Variants in REN observed in about 807,000 individuals in gnomAD.
REN encodes the protein angiotensin-forming enzyme.
Under a neutral mutation model 48.6 loss-of-function variants are expected in REN, and 42 were observed. The ratio of observed to expected loss-of-function variants is 0.86; its 90% CI spans 0.68 to 1.12. The LOEUF is 1.12. Among genes scored for constraint, REN ranks in the 50% most tolerant of loss-of-function variants. The pLI, the probability that REN is intolerant of heterozygous loss-of-function variation, is 0.00. For missense variants in REN, 443 were observed against 527.3 expected, an observed-to-expected ratio of 0.84 and a Z score of 1.57; for synonymous variants, 196 against 204.6, an observed-to-expected ratio of 0.96 and a Z score of 0.36.
intron 5 of REN, 140 bp from the exon 6 acceptor site, chr1:204,157,509 G>T: frequency 8.4e-7 from 1 of 1,191,316 alleles, no homozygotes; most frequent in South Asian, 1.2e-5. Flanking sequence ...TCACTTGCCT[G>T]AAGTTACCCA....
At chr1:204,157,118 C>T (rs957483805) in intron 6 of REN, among the ~76,000 whole-genome samples, 2 of 152,186 alleles carry the variant, frequency 1.3e-5, no homozygotes, top group Non-Finnish European at 2.9e-5. Context: ...CACAAATGGA[C>T]ACCCCTCACT....
chr1:204,165,802 G>A (rs1558246822), intron 1 of REN, among the ~76,000 whole-genome samples: 1 of 152,262 alleles, frequency 6.6e-6, no homozygotes, highest in Non-Finnish European at 1.5e-5. Flanking sequence ...ATGTTGGCCA[G>A]GCTGGTCTCA....
intron 5 of REN, 88 bp downstream of exon 5, chr1:204,159,311 T>C (rs28730746): frequency 1.1e-5 from 13 of 1,216,882 alleles, no homozygotes; most frequent in Admixed American, 1.7e-5. Flanking sequence ...ACAAACACTT[T>C]ACAATTCTGG....
In REN at chr1:204,166,246, G is replaced by GAGC. The variant is rs1571652012; in HGVS notation, c.45_47dup (p.Leu16dup). ...GGAGACCAAAGGTACAGGAGCCCCA[G>GAGC]AGCAGCAGCAGCAGTCCCCAGCGAG... On this transcript the variant is annotated inframe_insertion, in exon 1 of 10. Transcript: ENST00000272190. 6.2e-7 allele frequency: 1 copy of GAGC among 1,613,946 alleles called. No individual in the cohort carries two copies. The highest frequency in any genetic ancestry group is 8.5e-7 in the Non-Finnish European group (1 of 1,179,926).
intron 2 of REN, 144 bp from the exon 3 acceptor site, chr1:204,161,559 A>G: frequency 1.3e-6 from 1 of 744,518 alleles, no homozygotes; most frequent in Non-Finnish European, 2.0e-6. Context: ...TTCCTGCAGG[A>G]ACTGGTAGGA....
At chr1:204,155,246 C>T in intron 9 of REN, 69 bp from the exon 10 acceptor site, 3 of 1,562,896 alleles carry the variant, frequency 1.9e-6, no homozygotes, top group Non-Finnish European at 2.6e-6. Flanking sequence ...TGCCTGACCC[C>T]CAGCAACTGT....
chr1:204,159,227 A>G, intron 5 of REN, 172 bp downstream of exon 5: 2 of 704,444 alleles, frequency 2.8e-6, no homozygotes, highest in Non-Finnish European at 5.1e-6. Flanking sequence ...ACTGTATTTA[A>G]TTAATTTAAA....
intron 6 of REN, 138 bp downstream of exon 6, chr1:204,157,220 AAGG>A: frequency 8.7e-7 from 1 of 1,154,490 alleles, no homozygotes; most frequent in Non-Finnish European, 1.3e-6. Context: ...AGAGAGCAGG[AAGG>A]AGAGACAGAG....
chr1:204,160,478 G>T (rs574290752), intron 4 of REN, 82 bp downstream of exon 4: 2 of 912,966 alleles, frequency 2.2e-6, no homozygotes, highest in African/African-American at 1.6e-5. Flanking sequence ...GTACCTCCCC[G>T]CAGGTGTGGG....
rs767182103 is a variant in REN at position 204,159,575 on chromosome 1, T to C, written c.513A>G (p.Thr171=). ...TCTCCGTGACCTCTCCAAACATCTG[T>C]GTCACCGTGATTCCACCCACCTGTG... ...DIITVGGITV[T]QMFGEVTEMP... is the part of the protein sequence containing the mutation. The change falls in exon 5 of 10, where the codon ACA becomes ACG. Residue 171 remains threonine, a synonymous_variant. Coordinates refer to ENST00000272190, the MANE Select transcript of REN (RefSeq NM_000537.4). 1.2e-6 allele frequency: 2 copies of C among 1,614,160 alleles called. No individual in the cohort carries two copies. The highest frequency in any genetic ancestry group is 1.7e-6 in the Non-Finnish European group (2 of 1,180,036).
In REN at chr1:204,162,113, C is replaced by A; in HGVS notation, c.149G>T (p.Gly50Val). 1 of 1,614,148 alleles carries A rather than the reference C, an allele frequency of 6.2e-7. No individual in the cohort carries two copies. Among genetic ancestry groups the A allele is most frequent in the Non-Finnish European group, 8.5e-7 (1 of 1,180,022 alleles). ...GGGACCAAGCCTGGCCATGTCCACA[C>A]CTCGTTCCTTCAGGCTTTCTCGGAT... ...PSIRESLKER[G>V]VDMARLGPEW... The change falls in exon 2 of 10, where the codon GGT becomes GTT. Residue 50 changes from glycine (G) to valine (V), a missense_variant. By Grantham distance (109) the Gly-to-Val change is moderately radical (BLOSUM62 -3). Coordinates refer to ENST00000272190, the MANE Select transcript of REN (RefSeq NM_000537.4).
Position 204,156,690 on chromosome 1 carries a change from T to C in REN, c.805A>G (p.Ile269Val). The C allele has an allele frequency of 6.2e-7, 1 of 1,607,610 alleles. No homozygotes were observed. The highest frequency in any genetic ancestry group is 8.5e-7 in the Non-Finnish European group (1 of 1,176,254). Residue 269 changes from isoleucine to valine, a missense_variant, in exon 7 of 10, where the codon ATT becomes GTT. Transcript: ENST00000272190. This position sits in a 1 kb window ranked among gnomAD's most constrained non-coding sequence, Gnocchi z 4.2. ...AGGATTTCTGACCCCTTCATTTGAA[T>C]CTGCCAGACACCAGTCTTGATGAGG... Reference protein sequence around the residue: ...INLIKTGVWQIQMKGVSVGSS... With the variant: ...INLIKTGVWQVQMKGVSVGSS...
Position 204,159,468 on chromosome 1 carries a change from G to A in REN, c.620C>T (p.Thr207Ile). 1 of 1,614,146 alleles carries A rather than the reference G, an allele frequency of 6.2e-7. No homozygotes were observed. The highest frequency in any genetic ancestry group is 8.5e-7 in the Non-Finnish European group (1 of 1,180,040). Residue 207 changes from threonine (T) to isoleucine (I), a missense_variant, in exon 5 of 10, where the codon ACC (threonine) becomes ATC (isoleucine). By Grantham distance (89) the Thr-to-Ile change is moderately conservative. Transcript: ENST00000272190. ...GGAGATGATGTTGTCGAAGATAGGG[G>A]TGACCCTGCCAATGGCCTGTTCAAT... ...GFIEQAIGRV[T>I]PIFDNIISQG...
chr1:204,162,342 A>G (rs966310805), intron 1 of REN, among the ~76,000 whole-genome samples, 179 bp from the exon 2 acceptor site: 2 of 152,152 alleles, frequency 1.3e-5, no homozygotes, highest in African/African-American at 4.8e-5. Flanking sequence ...CTTCTTGTCA[A>G]GAGTCAATTT....
At chr1:204,158,099 A>ACC (rs60405376) in intron 5 of REN, among the ~76,000 whole-genome samples, 7 of 142,970 alleles carry the variant, frequency 4.9e-5, no homozygotes, top group African/African-American at 1.1e-4. Flanking sequence ...TCTGGATCTC[A>ACC]CCCCCCACGC....
At chr1:204,155,272 C>A in intron 9 of REN, 95 bp from the exon 10 acceptor site, 1 of 1,411,250 alleles carries the variant, frequency 7.1e-7, no homozygotes, top group South Asian at 1.2e-5. Context: ...GCAACATTCC[C>A]CCTCTCGCCC....
At chr1:204,161,459 T>C (rs374792520) in intron 2 of REN, 44 bp from the exon 3 acceptor site, 2 of 1,413,678 alleles carry the variant, frequency 1.4e-6, no homozygotes, top group Non-Finnish European at 1.9e-6. Context: ...CAGGGGACCT[T>C]GGGTCTTGGG....
At position 204,154,823 on chromosome 1, in the gene REN, A is replaced by G; in HGVS notation, c.*193T>C. 1.5e-6 allele frequency: 1 copy of G among 653,790 alleles called. No individual in the cohort carries two copies. Among genetic ancestry groups the G allele is most frequent in the East Asian group, 2.8e-5 (1 of 36,302 alleles). The allele number at this position is 653,790 out of a possible 1,614,324, so 40.5% of individuals were successfully genotyped here. On this transcript the variant is annotated 3_prime_UTR_variant, in exon 10 of 10. Transcript: ENST00000272190. ...GTGAACCCAGATGCAACAGGCTGTG[A>G]ACATGAAGTCTTTATTCTCTTTGTC...
At chr1:204,157,110 C>T (rs1658163954) in intron 6 of REN, among the ~76,000 whole-genome samples, 1 of 152,152 alleles carries the variant, frequency 6.6e-6, no homozygotes, top group Non-Finnish European at 1.5e-5. Flanking sequence ...GAACAAGACA[C>T]AAATGGACAC....
Sources: gnomAD v4.1 joint callset for allele counts (sites outside exome capture counted in the v4.1 genomes callset) on GRCh38, gnomAD v4.1.1 for gene constraint, Gnocchi (gnomAD v3.1) non-coding constraint, MANE v1.5 for transcripts, NCBI Gene and HGNC (gene_info 2026-07-23, HGNC 2026-07-21) for gene names.